LMCD1: variants seen among roughly 807,000 people sequenced by gnomAD.
LMCD1 encodes LIM and cysteine-rich domains protein 1.
In LMCD1, 32 loss-of-function variants were observed where a neutral mutation model predicts 42.7. The ratio of observed to expected loss-of-function variants is 0.75; its 90% CI spans 0.57 to 1.01. The LOEUF is 1.01. LMCD1 is among the 50% of genes least tolerant of loss of function. The pLI is 0.00. For synonymous variants in LMCD1, 178 were observed against 184.9 expected (o/e 0.96, Z 0.30); for missense variants, 458 against 483.1 (o/e 0.95, Z 0.49).
At chr3:8,551,119 G>C in intron 4 of LMCD1, 1 of 985,338 alleles carries the variant, frequency 1.0e-6, no homozygotes, top group Non-Finnish European at 1.2e-6. Flanking sequence ...GTGGAAGATA[G>C]ACTTCTATGT....
At chr3:8,546,562 T>G (rs917080209) in intron 3 of LMCD1, among the ~76,000 whole-genome samples, 23 of 152,248 alleles carry the variant, frequency 1.5e-4, no homozygotes, top group Admixed American at 2.6e-4. Context: ...GACAAGCCGA[T>G]TCCAGAGCCT....
At chr3:8,524,974 C>A (rs1574954039) in intron 1 of LMCD1, among the ~76,000 whole-genome samples, 1 of 152,048 alleles carries the variant, frequency 6.6e-6, no homozygotes, top group South Asian at 2.1e-4. Flanking sequence ...CGTGGGCCAC[C>A]GAGCCTAGCC....
intron 4 of LMCD1, among the ~76,000 whole-genome samples, chr3:8,559,828 AG>A (rs1694997964): frequency 6.6e-6 from 1 of 152,218 alleles, no homozygotes; most frequent in Admixed American, 6.5e-5. Flanking sequence ...ACATGTTGAG[AG>A]GGCTCCTTAC....
chr3:8,547,126 A>G (rs921490488), intron 3 of LMCD1, among the ~76,000 whole-genome samples: 1 of 152,226 alleles, frequency 6.6e-6, no homozygotes, highest in Admixed American at 6.5e-5. Context: ...TCCTTGGAGA[A>G]TAAGCAATAA....
intron 1 of LMCD1, among the ~76,000 whole-genome samples, chr3:8,528,318 A>G (rs1694339341): frequency 6.6e-6 from 1 of 151,754 alleles, no homozygotes; most frequent in Non-Finnish European, 1.5e-5. Context: ...CCTCTCAAGT[A>G]AGCTGGAACT....
rs752746235 is a variant in LMCD1 at position 8,537,414 on chromosome 3, G to T, written c.361G>T (p.Ala121Ser). ...PTFDTITYEW[A>S]PPGVTQKLGL... ...TTTTGACACCATCACCTACGAGTGG[G>T]CTCCCCCTGGAGTCACCCAGAAACT... Residue 121 changes from alanine to serine, a missense_variant, in exon 3 of 6, where the codon GCT (alanine) becomes TCT (serine). Ala to Ser is a moderately conservative substitution (Grantham distance 99, BLOSUM62 1). Transcript: ENST00000157600. The T allele has an allele frequency of 1.9e-6, 3 of 1,603,702 alleles. No individual in the cohort carries two copies. Among genetic ancestry groups the T allele is most frequent in the South Asian group, 2.2e-5 (2 of 89,730 alleles).
rs11539927 is a variant in LMCD1 at position 8,572,856 on chromosome 3, G to A, written c.*5258G>A. On this transcript the variant is annotated 3_prime_UTR_variant, in exon 6 of 6. Transcript: ENST00000157600. ...CTTGTATTTTTCCTGCCCCATCTTT[G>A]AAATCAGCCATTCTCAAGGGGTTCC... is the stretch of plus-strand genomic sequence containing the variant. The A allele has an allele frequency of 6.6e-6, 1 of 151,884 alleles. No homozygotes were observed. The highest frequency in any genetic ancestry group is 1.5e-5 in the Non-Finnish European group (1 of 67,968). 9.4% of individuals were successfully genotyped at this position (151,884 alleles called of 1,614,324 possible). A position where few individuals can be genotyped will look rare whatever the true frequency, so the allele number is the denominator to read the frequency against.
At chr3:8,524,636 A>G (rs1000419409) in intron 1 of LMCD1, among the ~76,000 whole-genome samples, 1 of 152,210 alleles carries the variant, frequency 6.6e-6, no homozygotes, top group African/African-American at 2.4e-5. Flanking sequence ...TAACTGACAA[A>G]TAAAAATTGT....
chr3:8,539,210 G>C (rs1190189027), intron 3 of LMCD1, among the ~76,000 whole-genome samples: 1 of 152,174 alleles, frequency 6.6e-6, no homozygotes, highest in Non-Finnish European at 1.5e-5. Context: ...GTTCTAAGCT[G>C]TTGCCTTAGG....
chr3:8,514,936 A>G (rs1220688777), intron 1 of LMCD1: 1 of 456,542 alleles, frequency 2.2e-6, no homozygotes, highest in Non-Finnish European at 4.4e-6. Flanking sequence ...TGGTGATCAC[A>G]TGGGATATAC....
chr3:8,556,030 T>A (rs758672652), intron 4 of LMCD1, among the ~76,000 whole-genome samples: 1 of 152,196 alleles, frequency 6.6e-6, no homozygotes, highest in Non-Finnish European at 1.5e-5. Flanking sequence ...TAGTTTTAGC[T>A]TTTTATTAAT....
At chr3:8,544,661 T>TA (rs1694699092) in intron 3 of LMCD1, among the ~76,000 whole-genome samples, 1 of 152,164 alleles carries the variant, frequency 6.6e-6, no homozygotes, top group Admixed American at 6.5e-5. Flanking sequence ...CACTGCTCCC[T>TA]AAAATCAGAC....
Position 8,567,532 on chromosome 3 carries a change from CCGGGCGTACATCG to C in LMCD1, c.1033_1045del (p.Arg345SerfsTer47). On this transcript the variant is annotated frameshift_variant, in exon 6 of 6. Coordinates refer to ENST00000157600, the MANE Select transcript of LMCD1 (RefSeq NM_014583.4). LOFTEE classifies it high-confidence loss of function. ...AGGGTTGTGAGCAGCTGCTGAGCGG[CCGGGCGTACATCG>C]TCACCAAGGGTCAGCTTCTGTGCCC... is the stretch of plus-strand genomic sequence containing the variant. 1 of 1,613,840 alleles carries C rather than the reference CCGGGCGTACATCG, an allele frequency of 6.2e-7. No homozygotes were observed. Among genetic ancestry groups the C allele is most frequent in the Non-Finnish European group, 8.5e-7 (1 of 1,179,974 alleles).
intron 1 of LMCD1, among the ~76,000 whole-genome samples, chr3:8,510,932 C>T (rs189356270): frequency 2.0e-4 from 30 of 152,316 alleles, no homozygotes; most frequent in Non-Finnish European, 3.1e-4. Flanking sequence ...CAGCATTACA[C>T]GCCACACACA....
chr3:8,565,775 T>TC, intron 5 of LMCD1, 128 bp downstream of exon 5: 1 of 842,000 alleles, frequency 1.2e-6, no homozygotes, highest in South Asian at 1.7e-5. Context: ...AAGTCAGGCC[T>TC]CACTGCATGC....
intron 2 of LMCD1, among the ~76,000 whole-genome samples, chr3:8,535,878 G>A (rs556656126): frequency 1.9e-4 from 29 of 152,270 alleles, no homozygotes; most frequent in African/African-American, 6.3e-4. Context: ...GCTATTCTGT[G>A]GAATGTAGAA....
At chr3:8,504,503 C>A (rs1693835849) in intron 1 of LMCD1, among the ~76,000 whole-genome samples, 1 of 152,190 alleles carries the variant, frequency 6.6e-6, no homozygotes, top group Non-Finnish European at 1.5e-5. Context: ...GGGCGGGAAT[C>A]CCCACCAACT....
In LMCD1 at chr3:8,570,483, T is replaced by C. The variant is rs975960049; in HGVS notation, c.*2885T>C. 1 of 152,486 alleles carries C rather than the reference T, an allele frequency of 6.6e-6. No individual in the cohort carries two copies. Among genetic ancestry groups the C allele is most frequent in the South Asian group, 2.1e-4 (1 of 4,830 alleles). The allele number at this position is 152,486 out of a possible 1,614,324, so 9.4% of individuals were successfully genotyped here. Reference sequence around the variant, plus strand: ...GCACCACCCAGCACCTGCCCCTGCCTTTCTCATGTCTATTAATGACACCCA... The same window carrying C: ...GCACCACCCAGCACCTGCCCCTGCCCTTCTCATGTCTATTAATGACACCCA... On this transcript the variant is annotated 3_prime_UTR_variant, in exon 6 of 6. Coordinates refer to ENST00000157600, the MANE Select transcript of LMCD1 (RefSeq NM_014583.4).
Position 8,520,836 on chromosome 3 carries a change from T to C in LMCD1, c.43-11901T>C, listed in dbSNP as rs143489402. Among the ~76,000 whole-genome samples, 11 of 152,284 alleles carry C rather than the reference T, an allele frequency of 7.2e-5. No homozygotes were observed. In the East Asian group the frequency reaches 2.1e-3, roughly 29 times the overall value. ...ACTCTGAGTGATCTCAAAAGATTCATTAAAAGTCCACAAATGGAAGGAGAT... is the reference window on the plus strand; with the variant it reads ...ACTCTGAGTGATCTCAAAAGATTCACTAAAAGTCCACAAATGGAAGGAGAT... On this transcript the variant is annotated intron_variant, in intron 1 of 5. Coordinates refer to ENST00000157600, the MANE Select transcript of LMCD1 (RefSeq NM_014583.4).
Sources: allele counts gnomAD v4.1 joint callset (sites outside exome capture counted in the v4.1 genomes callset), GRCh38; gene constraint gnomAD v4.1.1; transcripts MANE v1.5; gene names NCBI Gene and HGNC (gene_info 2026-07-23, HGNC 2026-07-21).